The following CNTN4 variants were observed in gnomAD, a reference collection of about 807,000 sequenced individuals.
CNTN4 encodes contactin-4.
A neutral mutation model predicts 122.5 loss-of-function variants in CNTN4; 77 were observed. That is an observed-to-expected ratio of 0.63 (90% CI 0.52 to 0.76). The LOEUF is 0.76. Ranked by LOEUF, CNTN4 falls within the 30% of genes least tolerant of loss-of-function variation. The pLI is 0.00. For synonymous variants in CNTN4, 512 were observed against 447.0 expected (o/e 1.15, Z -1.83); for missense variants, 1,256 against 1,259.1 (o/e 1.00, Z 0.04).
intron 4 of CNTN4, among the ~76,000 whole-genome samples, chr3:2,630,164 G>C (rs2082367947): frequency 1.3e-5 from 2 of 152,248 alleles, no homozygotes; most frequent in African/African-American, 4.8e-5. Context: ...TCTTTGTGCA[G>C]TGGCTCATGC....
intron 3 of CNTN4, among the ~76,000 whole-genome samples, chr3:2,427,839 C>G (rs910990565): frequency 1.3e-5 from 2 of 151,862 alleles, no homozygotes; most frequent in Non-Finnish European, 2.9e-5. Context: ...CCTTCTTTGT[C>G]GCTTCTGATC....
intron 2 of CNTN4, among the ~76,000 whole-genome samples, chr3:2,276,239 C>T (rs780369536): frequency 1.3e-5 from 2 of 152,030 alleles, no homozygotes; most frequent in African/African-American, 2.4e-5. Context: ...GTGGCACCAT[C>T]TTGGCTCACT....
chr3:2,509,858 A>G (rs1357130720), intron 3 of CNTN4, among the ~76,000 whole-genome samples: 2 of 152,104 alleles, frequency 1.3e-5, no homozygotes, highest in African/African-American at 2.4e-5. Context: ...GGAGAAATCC[A>G]CATTAAATAT....
intron 2 of CNTN4, among the ~76,000 whole-genome samples, chr3:2,301,804 A>G (rs2042536427): frequency 6.6e-6 from 1 of 152,246 alleles, no homozygotes; most frequent in African/African-American, 2.4e-5. Flanking sequence ...AGGTATTCAG[A>G]CTGGCTTCCC....
chr3:2,374,994 T>G (rs2045764490), intron 3 of CNTN4, among the ~76,000 whole-genome samples: 1 of 152,220 alleles, frequency 6.6e-6, no homozygotes. Flanking sequence ...ATCCACTGAT[T>G]ATTGTCGCAT....
intron 2 of CNTN4, among the ~76,000 whole-genome samples, chr3:2,173,708 A>G (rs2036613957): frequency 6.6e-6 from 1 of 152,126 alleles, no homozygotes; most frequent in African/African-American, 2.4e-5. Context: ...TTCGACTTGA[A>G]CACTATGATT....
At chr3:2,359,349 C>G (rs2045017201) in intron 3 of CNTN4, among the ~76,000 whole-genome samples, 1 of 152,022 alleles carries the variant, frequency 6.6e-6, no homozygotes, top group Admixed American at 6.6e-5. Flanking sequence ...GTATAATACT[C>G]CAGTGTTCAC....
At chr3:2,605,802 T>C (rs1265026216) in intron 4 of CNTN4, among the ~76,000 whole-genome samples, 1 of 152,132 alleles carries the variant, frequency 6.6e-6, no homozygotes, top group Non-Finnish European at 1.5e-5. Flanking sequence ...TGTTCCACAG[T>C]TGGGGTTACA....
chr3:2,272,640 A>G (rs1045310703), intron 2 of CNTN4, among the ~76,000 whole-genome samples: 15 of 152,148 alleles, frequency 9.9e-5, no homozygotes, highest in Admixed American at 9.8e-4. Context: ...CTCTCATTTG[A>G]TTATTGAGGT....
chr3:2,380,301 G>C (rs964610636), intron 3 of CNTN4, among the ~76,000 whole-genome samples: 4 of 118,988 alleles, frequency 3.4e-5, no homozygotes, highest in African/African-American at 1.0e-4. Context: ...ATTAGGGTTT[G>C]CATCTCTGTT....
intron 2 of CNTN4, among the ~76,000 whole-genome samples, chr3:2,216,913 A>G (rs1306901487): frequency 6.6e-6 from 1 of 152,072 alleles, no homozygotes; most frequent in Non-Finnish European, 1.5e-5. Context: ...ACTACCCTTT[A>G]GCTCATTGGT....
intron 2 of CNTN4, among the ~76,000 whole-genome samples, chr3:2,125,747 C>T (rs1000588623): frequency 1.3e-5 from 2 of 151,616 alleles, no homozygotes; most frequent in Non-Finnish European, 1.5e-5. Flanking sequence ...TTAGTAGAGA[C>T]GGGTTTTACC....
At chr3:2,667,673 A>G (rs1193655529) in intron 4 of CNTN4, among the ~76,000 whole-genome samples, 1 of 124,110 alleles carries the variant, frequency 8.1e-6, no homozygotes, top group Non-Finnish European at 1.7e-5. Flanking sequence ...GCCCACGCCT[A>G]TGTCCTGAAT....
chr3:2,941,550 C>G (rs2094615467), intron 13 of CNTN4, among the ~76,000 whole-genome samples: 1 of 152,202 alleles, frequency 6.6e-6, no homozygotes, highest in African/African-American at 2.4e-5. Flanking sequence ...TCCTATGCAT[C>G]AATAAATTTT....
rs564284384 is a variant in CNTN4 at position 2,695,995 on chromosome 3, G to C, written c.56-40220G>C. ...TCGAGAATGGCAGAAAATAGGGCTT[G>C]TGAGGTATGTATGTATATACACATG... On this transcript the variant is annotated intron_variant, in intron 4 of 24. Coordinates refer to ENST00000418658, the MANE Select transcript of CNTN4 (RefSeq NM_175607.3). Among the ~76,000 whole-genome samples, 36 of 152,230 alleles carry C rather than the reference G, an allele frequency of 2.4e-4. No individual in the cohort carries two copies. The South Asian group carries it at 6.2e-3, about 26-fold the overall frequency.
intron 6 of CNTN4, among the ~76,000 whole-genome samples, chr3:2,818,826 A>G (rs1385831597): frequency 1.3e-5 from 2 of 152,132 alleles, no homozygotes; most frequent in Non-Finnish European, 2.9e-5. Flanking sequence ...TAAATATTTC[A>G]AACTACACCA....
intron 3 of CNTN4, among the ~76,000 whole-genome samples, chr3:2,375,421 A>G (rs1290143925): frequency 6.6e-6 from 1 of 152,200 alleles, no homozygotes; most frequent in Non-Finnish European, 1.5e-5. Context: ...TGAAGATAGA[A>G]AAGATATTAC....
At chr3:2,720,570 G>A (rs1158525005) in intron 4 of CNTN4, among the ~76,000 whole-genome samples, 3 of 152,090 alleles carry the variant, frequency 2.0e-5, no homozygotes, top group Non-Finnish European at 4.4e-5. Flanking sequence ...TTGTGTCCAT[G>A]GTGATTTATG....
chr3:2,480,954 A>G (rs2075973130), intron 3 of CNTN4, among the ~76,000 whole-genome samples: 1 of 152,202 alleles, frequency 6.6e-6, no homozygotes, highest in African/African-American at 2.4e-5. Flanking sequence ...TAGTTAGCTA[A>G]TCTTTGACAA....
Sources: gnomAD v4.1 joint callset for allele counts (sites outside exome capture counted in the v4.1 genomes callset) on GRCh38, gnomAD v4.1.1 for gene constraint, MANE v1.5 for transcripts, NCBI Gene and HGNC (gene_info 2026-07-23, HGNC 2026-07-21) for gene names.